The following NTRK3 variants were observed in gnomAD, a reference collection of about 807,000 sequenced individuals.
NTRK3 encodes the protein NT-3 growth factor receptor.
NTRK3 carries 24 observed loss-of-function variants against 91.7 expected under a neutral mutation model. That is an observed-to-expected ratio of 0.26 (90% CI 0.19 to 0.37). The LOEUF is 0.37. Ranked by LOEUF, NTRK3 falls within the 10% of genes least tolerant of loss-of-function variation. NTRK3 has a pLI of 1.00. For missense variants in NTRK3, 880 were observed against 1,068.9 expected (o/e 0.82, Z 2.46); for synonymous variants, 483 against 404.0 (o/e 1.20, Z -2.34).
chr15:88,084,953 G>A (rs2048367250), intron 13 of NTRK3, among the ~76,000 whole-genome samples: 1 of 152,196 alleles, frequency 6.6e-6, no homozygotes, highest in Admixed American at 6.5e-5. Context: ...TGCATGTGCT[G>A]CACAGCTGGG....
rs142945571 is a variant in NTRK3, at chr15:88,193,818, G to C, written c.249-9519C>G. The stretch of plus-strand genomic sequence containing the variant: ...CAACATATAAACATGTTTTAGGAAA[G>C]CTCATCTACAAAAAGAAAAAAAACC... On this transcript the variant is annotated intron_variant, in intron 3 of 18. Transcript: ENST00000394480. 2.8e-3 allele frequency among the ~76,000 whole-genome samples: 422 copies of C among 152,170 alleles called. 8 individuals are homozygous for C. In the East Asian group the frequency reaches 0.034, roughly 12 times the overall value.
At chr15:88,201,740 C>A (rs1320245477) in intron 3 of NTRK3, among the ~76,000 whole-genome samples, 1 of 152,146 alleles carries the variant, frequency 6.6e-6, no homozygotes, top group Non-Finnish European at 1.5e-5. Context: ...GGTCCGAATA[C>A]TTCAGAACAC....
At chr15:87,920,524 T>G (rs1238850269) in intron 17 of NTRK3, among the ~76,000 whole-genome samples, 1 of 152,112 alleles carries the variant, frequency 6.6e-6, no homozygotes, top group Non-Finnish European at 1.5e-5. Flanking sequence ...TTTAAGAAGA[T>G]CCCATACCTT....
intron 14 of NTRK3, among the ~76,000 whole-genome samples, chr15:88,028,043 G>A (rs554116921): frequency 6.6e-6 from 1 of 152,226 alleles, no homozygotes; most frequent in East Asian, 1.9e-4. Context: ...GAGGGAGTGA[G>A]GGTGAGGAGG....
At chr15:88,163,596 CT>C (rs2044663552) in intron 5 of NTRK3, among the ~76,000 whole-genome samples, 1 of 152,216 alleles carries the variant, frequency 6.6e-6, no homozygotes, top group Non-Finnish European at 1.5e-5. Context: ...TTCTTGATGC[CT>C]AGCAAGATAC....
rs576125442 is a variant in NTRK3, at chr15:87,911,724, G to A, written c.2133+17467C>T. 2.0e-5 allele frequency among the ~76,000 whole-genome samples: 3 copies of A among 152,270 alleles called. No homozygotes were observed. In the South Asian group the frequency reaches 6.2e-4, roughly 32 times the overall value. ...TGTGATCTCTGATTGTTCCAAATTA[G>A]GGTCCTTAAGCATCATCCCAGATCA... On this transcript the variant is annotated intron_variant, in intron 17 of 18. Transcript: ENST00000394480.
exon 19 of NTRK3, chr15:87,874,783 G>A (rs573612319): frequency 4.7e-5 from 11 of 231,898 alleles, no homozygotes; most frequent in East Asian, 1.8e-4. Flanking sequence ...TCACAGCCCC[G>A]GCATAACGGT....
chr15:88,024,426 G>C (rs1049061084), intron 14 of NTRK3, among the ~76,000 whole-genome samples: 38 of 152,266 alleles, frequency 2.5e-4, no homozygotes, highest in African/African-American at 8.4e-4. Flanking sequence ...GAGAGTGCCT[G>C]GTACTTAAGA....
chr15:88,074,072 CT>C (rs2047329016), intron 13 of NTRK3, among the ~76,000 whole-genome samples: 1 of 152,180 alleles, frequency 6.6e-6, no homozygotes, highest in African/African-American at 2.4e-5. Flanking sequence ...CTACCAGCCC[CT>C]GATGAACACC....
chr15:87,930,911 T>C (rs934855222), intron 16 of NTRK3, among the ~76,000 whole-genome samples: 1 of 152,080 alleles, frequency 6.6e-6, no homozygotes, highest in African/African-American at 2.4e-5. Flanking sequence ...AGGGATCCCA[T>C]AGAGACACAG....
chr15:87,885,866 T>G, intron 17 of NTRK3, 131 bp from the exon 18 acceptor site: 1 of 391,580 alleles, frequency 2.6e-6, no homozygotes, highest in Non-Finnish European at 4.5e-6. Flanking sequence ...GATTTAGAGA[T>G]ACAACTTACA....
At chr15:88,177,232 G>A (rs1341387317) in intron 5 of NTRK3, among the ~76,000 whole-genome samples, 3 of 152,226 alleles carry the variant, frequency 2.0e-5, no homozygotes, top group African/African-American at 7.2e-5. Context: ...AGTAACGCAA[G>A]AAGTAATTGG....
At chr15:87,967,192 C>T (rs1477088791) in intron 14 of NTRK3, among the ~76,000 whole-genome samples, 1 of 152,110 alleles carries the variant, frequency 6.6e-6, no homozygotes, top group Non-Finnish European at 1.5e-5. Flanking sequence ...GACCCTATTC[C>T]GGTGGGTTTG....
chr15:88,112,907 C>T (rs753381403), intron 13 of NTRK3, among the ~76,000 whole-genome samples: 8 of 152,180 alleles, frequency 5.3e-5, no homozygotes, highest in Non-Finnish European at 1.2e-4. Flanking sequence ...TACAGAGTTA[C>T]CCCAGGATCT....
At chr15:87,985,500 G>C (rs753935211) in intron 14 of NTRK3, among the ~76,000 whole-genome samples, 7 of 152,180 alleles carry the variant, frequency 4.6e-5, no homozygotes, top group Non-Finnish European at 7.4e-5. Flanking sequence ...ATACTGTGTA[G>C]CTAAGAGTAC....
chr15:88,100,099 C>A (rs2050018192), intron 13 of NTRK3, among the ~76,000 whole-genome samples: 1 of 152,122 alleles, frequency 6.6e-6, no homozygotes, highest in Non-Finnish European at 1.5e-5. Context: ...CCATCAAATT[C>A]CTTGAAGCTC....
intron 13 of NTRK3, among the ~76,000 whole-genome samples, chr15:88,061,726 G>A (rs909869498): frequency 6.6e-6 from 1 of 152,208 alleles, no homozygotes; most frequent in Non-Finnish European, 1.5e-5. Context: ...CTGGTTCCAG[G>A]GCCCGGAGGC....
intron 14 of NTRK3, among the ~76,000 whole-genome samples, chr15:88,011,834 T>C (rs769861167): frequency 6.6e-6 from 1 of 152,288 alleles, no homozygotes; most frequent in Non-Finnish European, 1.5e-5. Context: ...AGTGCAGAAG[T>C]GAATTTCTTC....
chr15:88,133,897 C>A (rs967847271), intron 10 of NTRK3, among the ~76,000 whole-genome samples: 1 of 152,222 alleles, frequency 6.6e-6, no homozygotes, highest in Non-Finnish European at 1.5e-5. Flanking sequence ...AAGAATTTAG[C>A]TTAATGCAGC....
Sources: gnomAD v4.1 joint callset for allele counts (sites outside exome capture counted in the v4.1 genomes callset) on GRCh38, gnomAD v4.1.1 for gene constraint, MANE v1.5 for transcripts, NCBI Gene and HGNC (gene_info 2026-07-23, HGNC 2026-07-21) for gene names.